The following DDI2 variants were observed in gnomAD, a reference collection of about 807,000 sequenced individuals.
DDI2 encodes protein DDI1 homolog 2.
DDI2 carries 5 observed loss-of-function variants against 48.1 expected under a neutral mutation model. The observed-to-expected ratio is 0.10, with a 90% CI of 0.05 to 0.22. The LOEUF (loss-of-function observed/expected upper bound fraction) is 0.22. DDI2 is among the 10% of genes least tolerant of loss of function. The pLI is 1.00. For synonymous variants in DDI2, 205 were observed against 183.6 expected (o/e 1.12, Z -0.94); for missense variants, 285 against 506.2 (o/e 0.56, Z 4.19).
chr1:15,626,399 C>G (rs769032384), intron 1 of DDI2, among the ~76,000 whole-genome samples: 3 of 152,050 alleles, frequency 2.0e-5, no homozygotes, highest in Non-Finnish European at 4.4e-5. Context: ...GTAGAGAAAA[C>G]AAGAGAAACA....
At position 15,649,703 on chromosome 1, in the gene DDI2, C is replaced by G. The variant is rs1640149191; in HGVS notation, c.890-17C>G. ...GAAGTACGTAACAATAACCTTTTCT[C>G]TTCATGTGCTTTTTAGCTCAGGTTC... On this transcript the variant is annotated splice_polypyrimidine_tract_variant and intron_variant, in intron 6 of 9. Coordinates refer to ENST00000480945, the MANE Select transcript of DDI2 (RefSeq NM_032341.5). 6.2e-7 allele frequency: 1 copy of G among 1,604,278 alleles called. No individual in the cohort carries two copies. The highest frequency in any genetic ancestry group is 8.5e-7 in the Non-Finnish European group (1 of 1,176,682).
At chr1:15,622,438 TATTA>T (rs746348879) in intron 1 of DDI2, among the ~76,000 whole-genome samples, 70 of 152,330 alleles carry the variant, frequency 4.6e-4, no homozygotes, top group Non-Finnish European at 8.2e-4. Flanking sequence ...TCTGAAGTTT[TATTA>T]ATTAGTCTAT....
intron 7 of DDI2, among the ~76,000 whole-genome samples, chr1:15,650,172 C>T (rs981811421): frequency 6.6e-6 from 1 of 152,142 alleles, no homozygotes; most frequent in African/African-American, 2.4e-5. Flanking sequence ...CTTTAGCATT[C>T]TCTGATGCTG....
chr1:15,665,001 C>G lies in DDI2; in HGVS notation c.*5211C>G, dbSNP rs896343114. Reference sequence around the variant, plus strand: ...TTGCAGCTAGGCTCGGTGGCTCACACCTGTAATCCCAGCACTTTGGGAGGC... The same window carrying G: ...TTGCAGCTAGGCTCGGTGGCTCACAGCTGTAATCCCAGCACTTTGGGAGGC... On this transcript the variant is annotated 3_prime_UTR_variant, in exon 10 of 10. Transcript: ENST00000480945. The G allele has an allele frequency of 2.6e-5, 4 of 152,350 alleles. No individual in the cohort carries two copies. Among genetic ancestry groups the G allele is most frequent in the African/African-American group, 9.7e-5 (4 of 41,440 alleles). The allele number at this position is 152,350 out of a possible 1,614,324, so 9.4% of individuals were successfully genotyped here. A position where few individuals can be genotyped will look rare whatever the true frequency, so the allele number is the denominator to read the frequency against.
rs540010138 is a variant in DDI2 at position 15,626,313 on chromosome 1, G to A, written c.139-356G>A. ...AGAGTACATTTTAAATAACATAGTA[G>A]GGAAGAACTCTAAAGAGTAATGTTT... On this transcript the variant is annotated intron_variant, in intron 1 of 9. Coordinates refer to ENST00000480945, the MANE Select transcript of DDI2 (RefSeq NM_032341.5). 7.8e-4 allele frequency among the ~76,000 whole-genome samples: 118 copies of A among 152,194 alleles called. 1 individual carries two copies. The highest frequency in any genetic ancestry group is 2.6e-3 in the African/African-American group (107 of 41,502).
intron 6 of DDI2, among the ~76,000 whole-genome samples, chr1:15,649,506 A>C (rs1640145316): frequency 1.3e-5 from 2 of 152,170 alleles, no homozygotes. Flanking sequence ...CCCCGTCTCT[A>C]CTAAAAATAC....
At chr1:15,630,064 C>G (rs1570970116) in intron 2 of DDI2, among the ~76,000 whole-genome samples, 1 of 152,068 alleles carries the variant, frequency 6.6e-6, no homozygotes, top group Non-Finnish European at 1.5e-5. Flanking sequence ...AATTAAAAAC[C>G]TGATGTCTAT....
intron 5 of DDI2, among the ~76,000 whole-genome samples, chr1:15,638,888 C>T (rs1639965602): frequency 6.6e-6 from 1 of 152,136 alleles, no homozygotes; most frequent in Non-Finnish European, 1.5e-5. Flanking sequence ...TTTCTTTAAT[C>T]ATTTCTTAAC....
Position 15,666,706 on chromosome 1 carries a change from C to T in DDI2, c.*6916C>T, listed in dbSNP as rs1640458303. 1.3e-5 allele frequency: 2 copies of T among 152,198 alleles called. No homozygotes were observed. Among genetic ancestry groups the T allele is most frequent in the African/African-American group, 4.8e-5 (2 of 41,464 alleles). The allele number at this position is 152,198 out of a possible 1,614,324, so 9.4% of individuals were successfully genotyped here. On this transcript the variant is annotated 3_prime_UTR_variant, in exon 10 of 10. Coordinates refer to ENST00000480945, the MANE Select transcript of DDI2 (RefSeq NM_032341.5). Reference sequence around the variant, plus strand: ...TCTGGGGATTCAGGGGTAACTAAAACAGATTGGAACCCTGCCCTTGTGAAG... The same window carrying T: ...TCTGGGGATTCAGGGGTAACTAAAATAGATTGGAACCCTGCCCTTGTGAAG...
At chr1:15,652,663 T>A (rs1239353990) in intron 8 of DDI2, among the ~76,000 whole-genome samples, 3 of 151,284 alleles carry the variant, frequency 2.0e-5, no homozygotes, top group Non-Finnish European at 4.4e-5. Flanking sequence ...CTCTACTAAA[T>A]ATACAAAAAA....
At chr1:15,630,658 G>C (rs892597058) in intron 3 of DDI2, 97 bp downstream of exon 3, 32 of 852,376 alleles carry the variant, frequency 3.8e-5, no homozygotes, top group Non-Finnish European at 6.2e-5. Context: ...TGTGTCACAT[G>C]ATTTATTGAA....
chr1:15,628,467 T>C (rs1293676429), intron 2 of DDI2, among the ~76,000 whole-genome samples: 1 of 152,240 alleles, frequency 6.6e-6, no homozygotes, highest in Non-Finnish European at 1.5e-5. Flanking sequence ...TTTGATTTTT[T>C]AGTTTATTTA....
chr1:15,649,189 C>A (rs906754291), intron 6 of DDI2, among the ~76,000 whole-genome samples: 2 of 151,760 alleles, frequency 1.3e-5, no homozygotes, highest in African/African-American at 2.4e-5. Context: ...CATGGTGAAA[C>A]CCTGTCTCTA....
intron 1 of DDI2, among the ~76,000 whole-genome samples, chr1:15,618,812 T>C (rs1358130933): frequency 6.6e-6 from 1 of 152,240 alleles, no homozygotes; most frequent in Non-Finnish European, 1.5e-5. Flanking sequence ...AAGAAAATTA[T>C]AGAGGTCTCC....
intron 1 of DDI2, among the ~76,000 whole-genome samples, chr1:15,620,316 C>A (rs1351239380): frequency 6.6e-6 from 1 of 152,104 alleles, no homozygotes; most frequent in Non-Finnish European, 1.5e-5. Flanking sequence ...GCCCATCAGG[C>A]AGGAACAGGA....
chr1:15,617,465 C>T lies in DDI2; in HGVS notation c.-206C>T, dbSNP rs924343852. 3.3e-5 allele frequency: 11 copies of T among 333,850 alleles called. No individual in the cohort carries two copies. The highest frequency in any genetic ancestry group is 5.3e-5 in the Non-Finnish European group (10 of 189,404). The allele number at this position is 333,850 out of a possible 1,614,324, so 20.7% of individuals were successfully genotyped here. ...GGAGGCAGGCCGGCAGGCAGACGGA[C>T]TCGCAGGCGTGTGGCGGCGGCCGTG... On this transcript the variant is annotated 5_prime_UTR_variant, in exon 1 of 10. Transcript: ENST00000480945.
intron 2 of DDI2, 27 bp from the exon 3 acceptor site, chr1:15,630,298 G>T: frequency 6.2e-7 from 1 of 1,609,114 alleles, no homozygotes; most frequent in South Asian, 1.1e-5. Flanking sequence ...AGTAATTTGA[G>T]TAAACTGAAT....
At chr1:15,627,332 A>G (rs531641721) in intron 2 of DDI2, among the ~76,000 whole-genome samples, 1 of 152,362 alleles carries the variant, frequency 6.6e-6, no homozygotes, top group East Asian at 1.9e-4. Flanking sequence ...CTTTAAAGTT[A>G]CATAGCTATT....
intron 8 of DDI2, among the ~76,000 whole-genome samples, chr1:15,652,385 G>A (rs939732634): frequency 1.5e-5 from 2 of 135,374 alleles, no homozygotes; most frequent in Non-Finnish European, 3.1e-5. Flanking sequence ...TAATGAAAAA[G>A]TCTGTATTCT....
Sources: gnomAD v4.1 joint callset for allele counts (sites outside exome capture counted in the v4.1 genomes callset) on GRCh38, gnomAD v4.1.1 for gene constraint, MANE v1.5 for transcripts, NCBI Gene and HGNC (gene_info 2026-07-23, HGNC 2026-07-21) for gene names.